The following SEMA6B variants were observed in gnomAD, a reference collection of about 807,000 sequenced individuals.
SEMA6B encodes semaphorin 6B, also known as semaphorin-6B.
Under a neutral mutation model 78.6 loss-of-function variants are expected in SEMA6B, and 47 were observed. The observed-to-expected ratio is 0.60, with a 90% CI of 0.47 to 0.76. SEMA6B has a LOEUF of 0.76. Among genes scored for constraint, SEMA6B ranks in the 30% least tolerant of loss-of-function variants. SEMA6B has a pLI of 0.00. For missense variants in SEMA6B, 1,213 were observed against 1,269.9 expected (o/e 0.96, Z 0.68); for synonymous variants, 632 against 592.2 (o/e 1.07, Z -0.98).
Position 4,552,472 on chromosome 19 carries a change from G to A in SEMA6B, c.939C>T (p.Ser313=). 1 of 1,609,652 alleles carries A rather than the reference G, an allele frequency of 6.2e-7. No homozygotes were observed. The highest frequency in any genetic ancestry group is 8.5e-7 in the Non-Finnish European group (1 of 1,178,586). ...NVLQAVTGVV[S]LGGRPVVLAV... ...CCAGGACCACGGGCCGGCCCCCGAGGCTGACCACGCCCGTGACAGCCTGCA... is the reference window on the plus strand; with the variant it reads ...CCAGGACCACGGGCCGGCCCCCGAGACTGACCACGCCCGTGACAGCCTGCA... The change falls in exon 10 of 17, where the codon AGC becomes AGT. Residue 313 remains serine (S), a synonymous_variant. Coordinates refer to ENST00000586582, the MANE Select transcript of SEMA6B (RefSeq NM_032108.4). This position sits in a 1 kb window ranked among gnomAD's most constrained non-coding sequence, Gnocchi z 7.4.
intron 16 of SEMA6B, among the ~76,000 whole-genome samples, chr19:4,545,166 A>T (rs1977132193): frequency 6.6e-6 from 1 of 151,190 alleles, no homozygotes; most frequent in African/African-American, 2.4e-5. Flanking sequence ...AACAAGTGAA[A>T]CCCATCTCTA....
chr19:4,544,545 AG>A lies in SEMA6B; in HGVS notation c.1739-17del, dbSNP rs531242138. The A allele has an allele frequency of 3.0e-4, 446 of 1,472,688 alleles. 9 individuals are homozygous for A. The South Asian group carries it at 5.7e-3, about 19-fold the overall frequency. The allele number at this position is 1,472,688 out of a possible 1,614,324, so 91.2% of individuals were successfully genotyped here. ...CGCAGGAGTCCTGGCCGGGGAGCACAGGGGGGTTAGTGGGGCCGGCGGGGTG... is the reference window on the plus strand; with the variant it reads ...CGCAGGAGTCCTGGCCGGGGAGCACAGGGGGTTAGTGGGGCCGGCGGGGTG... On this transcript the variant is annotated splice_polypyrimidine_tract_variant and intron_variant, in intron 16 of 16. Transcript: ENST00000586582. The surrounding 1 kb of genome is among the most constrained non-coding windows in gnomAD (Gnocchi z 5.1).
rs759435331 is a variant in SEMA6B at position 4,557,112 on chromosome 19, C to G, written c.306+51G>C. On this transcript the variant is annotated intron_variant, in intron 4 of 16. Coordinates refer to ENST00000586582, the MANE Select transcript of SEMA6B (RefSeq NM_032108.4). Reference sequence around the variant, plus strand: ...ATCCACCCAGCTCCCCGGCGCAGTGCCGCGTCCCCCTGGCCCTACCCCTCC... The same window carrying G: ...ATCCACCCAGCTCCCCGGCGCAGTGGCGCGTCCCCCTGGCCCTACCCCTCC... 2.6e-5 allele frequency: 42 copies of G among 1,590,540 alleles called. No individual in the cohort carries two copies. In the Middle Eastern group the frequency reaches 5.0e-4, roughly 19 times the overall value.
At position 4,558,771 on chromosome 19, in the gene SEMA6B, A is replaced by T. The variant is rs1049958466; in HGVS notation, c.-32-282T>A. ...AATAATTATTATAATAATAGATACA[A>T]ATATCCTAAAACATATATTTAAAAA... On this transcript the variant is annotated intron_variant, in intron 1 of 16. Coordinates refer to ENST00000586582, the MANE Select transcript of SEMA6B (RefSeq NM_032108.4). This position sits in a 1 kb window ranked among gnomAD's most constrained non-coding sequence, Gnocchi z 5.1. Among the ~76,000 whole-genome samples the T allele has an allele frequency of 7.9e-5, 12 of 152,218 alleles. No individual in the cohort carries two copies. Among genetic ancestry groups the T allele is most frequent in the South Asian group, 2.1e-4 (1 of 4,826 alleles).
chr19:4,544,121 G>A lies in SEMA6B; in HGVS notation c.2147C>T (p.Pro716Leu), dbSNP rs1260879359. ...LLPTPEQTPL[P>L]QKRLPTPHPH... is the part of the protein sequence containing the mutation. ...GTGCGGAGTGGGCAGGCGCTTCTGC[G>A]GCAGCGGCGTCTGCTCGGGCGTGGG... Residue 716 changes from proline (P) to leucine (L), a missense_variant, in exon 17 of 17, where the codon CCG becomes CTG. By Grantham distance (98) the Pro-to-Leu change is moderately conservative. Coordinates refer to ENST00000586582, the MANE Select transcript of SEMA6B (RefSeq NM_032108.4). The surrounding 1 kb of genome is among the most constrained non-coding windows in gnomAD (Gnocchi z 5.1). 3 of 1,273,678 alleles carry A rather than the reference G, an allele frequency of 2.4e-6. No homozygotes were observed. Among genetic ancestry groups the A allele is most frequent in the African/African-American group, 1.6e-5 (1 of 64,324 alleles). 78.9% of individuals were successfully genotyped at this position (1,273,678 alleles called of 1,614,324 possible).
chr19:4,544,544 CA>C lies in SEMA6B; in HGVS notation c.1739-16del. 1 of 1,475,776 alleles carries C rather than the reference CA, an allele frequency of 6.8e-7. No homozygotes were observed. Among genetic ancestry groups the C allele is most frequent in the Non-Finnish European group, 9.0e-7 (1 of 1,106,164 alleles). The allele number at this position is 1,475,776 out of a possible 1,614,324, so 91.4% of individuals were successfully genotyped here. A position where few individuals can be genotyped will look rare whatever the true frequency, so the allele number is the denominator to read the frequency against. ...CCGCAGGAGTCCTGGCCGGGGAGCA[CA>C]GGGGGGTTAGTGGGGCCGGCGGGGT... is the stretch of plus-strand genomic sequence containing the variant. On this transcript the variant is annotated splice_polypyrimidine_tract_variant and intron_variant, in intron 16 of 16. Transcript: ENST00000586582. This position sits in a 1 kb window ranked among gnomAD's most constrained non-coding sequence, Gnocchi z 5.1.
At chr19:4,556,114 G>C in intron 5 of SEMA6B, 25 bp from the exon 6 acceptor site, 3 of 1,561,366 alleles carry the variant, frequency 1.9e-6, no homozygotes, top group Non-Finnish European at 2.6e-6. Flanking sequence ...GGAGGAAGCG[G>C]GGAGCGCGAT....
chr19:4,554,558 G>A (rs1977419542), intron 8 of SEMA6B, 82 bp from the exon 9 acceptor site: 1 of 1,069,376 alleles, frequency 9.4e-7, no homozygotes. Flanking sequence ...GGCTTTTATG[G>A]TGAAGGGGGG....
Position 4,557,233 on chromosome 19 carries a change from G to A in SEMA6B, c.246-10C>T. 1 of 1,564,234 alleles carries A rather than the reference G, an allele frequency of 6.4e-7. No individual in the cohort carries two copies. Among genetic ancestry groups the A allele is most frequent in the Non-Finnish European group, 8.7e-7 (1 of 1,154,320 alleles). ...GCGGTAGAGGTTGTCCCTGGGGGAG[G>A]GGCATAGTTAGTGAGAACTGGGGGC... On this transcript the variant is annotated splice_polypyrimidine_tract_variant and intron_variant, in intron 3 of 16. Transcript: ENST00000586582.
chr19:4,549,636 G>A (rs1159265879), intron 12 of SEMA6B, among the ~76,000 whole-genome samples: 4 of 152,110 alleles, frequency 2.6e-5, no homozygotes, highest in East Asian at 1.9e-4. Flanking sequence ...CTGCCACCAC[G>A]CCCAGCTAAT....
chr19:4,542,906 G>GT lies in SEMA6B; in HGVS notation c.*694_*695insA, dbSNP rs1031178252. 1 of 701,192 alleles carries GT rather than the reference G, an allele frequency of 1.4e-6. No homozygotes were observed. The highest frequency in any genetic ancestry group is 1.7e-5 in the African/African-American group (1 of 57,208). The allele number at this position is 701,192 out of a possible 1,614,324, so 43.4% of individuals were successfully genotyped here. A position where few individuals can be genotyped will look rare whatever the true frequency, so the allele number is the denominator to read the frequency against. Reference sequence around the variant, plus strand: ...TGTCCCCGCTTCCCTCTGCAGAGTGGGGGGGGTTCAAACTCCTAACCGGCA... The same window carrying GT: ...TGTCCCCGCTTCCCTCTGCAGAGTGGTGGGGGGTTCAAACTCCTAACCGGCA... On this transcript the variant is annotated 3_prime_UTR_variant, in exon 17 of 17. Transcript: ENST00000586582.
intron 3 of SEMA6B, 77 bp from the exon 4 acceptor site, chr19:4,557,300 G>T: frequency 9.5e-7 from 1 of 1,054,390 alleles, no homozygotes. Context: ...CTGCCAATGT[G>T]GTGTGCACAC....
At position 4,548,376 on chromosome 19, in the gene SEMA6B, C is replaced by T; in HGVS notation, c.1341G>A (p.Leu447=). 6.2e-7 allele frequency: 1 copy of T among 1,613,856 alleles called. No individual in the cohort carries two copies. Among genetic ancestry groups the T allele is most frequent in the Non-Finnish European group, 8.5e-7 (1 of 1,180,018 alleles). Reference sequence around the variant, plus strand: ...TGAGGACCGTCCCCGCCTCAGAACCCAGGAAGACAACGGTCTGGTTGCCCC... The same window carrying T: ...TGAGGACCGTCCCCGCCTCAGAACCTAGGAAGACAACGGTCTGGTTGCCCC... ...GPWGNQTVVF[L]GSEAGTVLKF... The change falls in exon 13 of 17, where the codon CTG becomes CTA. Residue 447 remains leucine (L), a synonymous_variant. Transcript: ENST00000586582.
Sources: gnomAD v4.1 joint callset for allele counts (sites outside exome capture counted in the v4.1 genomes callset) on GRCh38, gnomAD v4.1.1 for gene constraint, Gnocchi (gnomAD v3.1) non-coding constraint, MANE v1.5 for transcripts, NCBI Gene and HGNC (gene_info 2026-07-23, HGNC 2026-07-21) for gene names.